LIPI: variants seen among roughly 807,000 people sequenced by gnomAD.
LIPI encodes lipase I, also known as lipase member I.
A neutral mutation model predicts 50.6 loss-of-function variants in LIPI; 59 were observed. The observed-to-expected ratio is 1.16, with a 90% CI of 0.94 to 1.45. LIPI has a LOEUF of 1.45. Among genes scored for constraint, LIPI ranks in the 40% most tolerant of loss-of-function variants. LIPI has a pLI of 0.00. For missense variants in LIPI, 586 were observed against 536.3 expected, an observed-to-expected ratio of 1.09 and a Z score of -0.92; for synonymous variants, 203 against 178.2, an observed-to-expected ratio of 1.14 and a Z score of -1.11.
At chr21:14,113,389 C>T (rs759961281) in intron 9 of LIPI, among the ~76,000 whole-genome samples, 15 of 151,970 alleles carry the variant, frequency 9.9e-5, no homozygotes, top group African/African-American at 1.7e-4. Context: ...GTGAGAACTA[C>T]GATGTTTGAG....
At chr21:14,206,230 C>G (rs1193266338) in intron 1 of LIPI, among the ~76,000 whole-genome samples, 1 of 152,100 alleles carries the variant, frequency 6.6e-6, no homozygotes, top group Admixed American at 6.6e-5. Context: ...GACTCAAGTA[C>G]CTCTAGCCTC....
intron 9 of LIPI, among the ~76,000 whole-genome samples, chr21:14,118,155 A>G (rs1188642889): frequency 1.3e-5 from 2 of 152,090 alleles, no homozygotes; most frequent in African/African-American, 4.8e-5. Context: ...TGGGCAAGGC[A>G]TAGTAAGATC....
intron 4 of LIPI, among the ~76,000 whole-genome samples, chr21:14,169,099 A>T (rs1324939680): frequency 6.6e-6 from 1 of 152,214 alleles, no homozygotes; most frequent in African/African-American, 2.4e-5. Flanking sequence ...ACCAACAAAG[A>T]TCAAAAGAGA....
At chr21:14,202,413 T>C (rs1394222642) in intron 1 of LIPI, among the ~76,000 whole-genome samples, 6 of 152,068 alleles carry the variant, frequency 3.9e-5, no homozygotes, top group South Asian at 2.1e-4. Context: ...GGAGGCATCA[T>C]GCTACCTGAC....
At position 14,189,123 on chromosome 21, in the gene LIPI, G is replaced by A. The variant is rs756548095; in HGVS notation, c.343C>T (p.Arg115Trp). Residue 115 changes from arginine to tryptophan, a missense_variant, in exon 2 of 10, where the codon CGG becomes TGG. Physicochemically the swap from Arg to Trp is moderately radical, Grantham distance 101. Coordinates refer to ENST00000681601, the MANE Select transcript of LIPI (RefSeq NM_001302998.2). ...TTATAAATAAAAGTTGTAGCACCCC[G>A]GCTCCAGTCTACTACAATTACATTC... ...DMNVIVVDWSRGATTFIYNRA... is the reference protein window; with the variant it reads ...DMNVIVVDWSWGATTFIYNRA... The A allele has an allele frequency of 2.2e-5, 35 of 1,613,296 alleles. No individual in the cohort carries two copies. The highest frequency in any genetic ancestry group is 1.6e-4 in the Middle Eastern group (1 of 6,082).
intron 8 of LIPI, among the ~76,000 whole-genome samples, chr21:14,146,424 A>G (rs962695528): frequency 6.6e-6 from 1 of 152,216 alleles, no homozygotes; most frequent in Non-Finnish European, 1.5e-5. Flanking sequence ...TCAATCTATC[A>G]GAAATTTATA....
intron 9 of LIPI, among the ~76,000 whole-genome samples, chr21:14,131,584 T>TA (rs1568839779): frequency 6.6e-6 from 1 of 152,060 alleles, no homozygotes; most frequent in South Asian, 2.1e-4. Flanking sequence ...AGAAGCACTT[T>TA]AAAAAACTGA....
chr21:14,130,007 T>C (rs928711921), intron 9 of LIPI, among the ~76,000 whole-genome samples: 3 of 152,030 alleles, frequency 2.0e-5, no homozygotes, highest in African/African-American at 7.2e-5. Flanking sequence ...CAAGGAAAAA[T>C]TGGAGAGGGG....
Position 14,152,620 on chromosome 21 carries a change from A to C in LIPI, c.1071T>G (p.Phe357Leu), listed in dbSNP as rs1285163875. The C allele has an allele frequency of 6.3e-7, 1 of 1,591,712 alleles. No individual in the cohort carries two copies. Among genetic ancestry groups the C allele is most frequent in the Admixed American group, 1.7e-5 (1 of 59,842 alleles). ...DKTMMDGSFS[F>L]KLLNQLGMIE... ...TCATTCCAAGCTGATTTAATAATTT[A>C]AATGAAAACGAGCCATCCATCATAG... Residue 357 changes from phenylalanine (F) to leucine (L), a missense_variant, in exon 8 of 10, where the codon TTT becomes TTG. Physicochemically the swap from Phe to Leu is conservative, Grantham distance 22. Coordinates refer to ENST00000681601, the MANE Select transcript of LIPI (RefSeq NM_001302998.2).
At chr21:14,199,370 G>A (rs2019971114) in intron 1 of LIPI, among the ~76,000 whole-genome samples, 1 of 151,672 alleles carries the variant, frequency 6.6e-6, no homozygotes, top group Admixed American at 6.6e-5. Flanking sequence ...AAGAAGAAAA[G>A]GAGGAGAGTC....
rs2019580462 is a variant in LIPI at position 14,189,381 on chromosome 21, C to T, written c.85G>A (p.Val29Ile). The change falls in exon 2 of 10, where the codon GTA (valine) becomes ATA (isoleucine). Residue 29 changes from valine (V) to isoleucine (I), a missense_variant. Transcript: ENST00000681601. ...AATAAATCTCTGAAGGAATCCTTTACACTTAGCTGAGAGAATTCAAGGCAT... is the reference window on the plus strand; with the variant it reads ...AATAAATCTCTGAAGGAATCCTTTATACTTAGCTGAGAGAATTCAAGGCAT... Reference protein sequence around the residue: ...RPCLEFSQLSVKDSFRDLFIP... With the variant: ...RPCLEFSQLSIKDSFRDLFIP... 1.9e-6 allele frequency: 3 copies of T among 1,612,624 alleles called. No individual in the cohort carries two copies. The highest frequency in any genetic ancestry group is 2.5e-6 in the Non-Finnish European group (3 of 1,178,968).
chr21:14,201,262 G>T (rs1009787711), intron 1 of LIPI, among the ~76,000 whole-genome samples: 2 of 151,980 alleles, frequency 1.3e-5, no homozygotes, highest in African/African-American at 4.8e-5. Flanking sequence ...TTAACAAGTG[G>T]GATCTAATTA....
intron 1 of LIPI, among the ~76,000 whole-genome samples, chr21:14,206,386 G>A (rs1435206746): frequency 1.3e-5 from 2 of 151,972 alleles, no homozygotes; most frequent in Admixed American, 6.6e-5. Context: ...TTTCATGCTG[G>A]GCAAGCTGCT....
chr21:14,134,892 G>T lies in LIPI; in HGVS notation c.1295+9731C>A, dbSNP rs192701109. On this transcript the variant is annotated intron_variant, in intron 9 of 9. Transcript: ENST00000681601. ...TTCTGGCCATTGGCAAAGAATATAT[G>T]GTCAAATCCTCAAAAGCAAATGCAA... 2.3e-4 allele frequency among the ~76,000 whole-genome samples: 35 copies of T among 152,042 alleles called. No individual in the cohort carries two copies. The East Asian group carries it at 6.8e-3, about 29-fold the overall frequency.
chr21:14,203,267 T>C (rs1225740269), intron 1 of LIPI, among the ~76,000 whole-genome samples: 1 of 152,040 alleles, frequency 6.6e-6, no homozygotes, highest in African/African-American at 2.4e-5. Context: ...ATTGTGGAAG[T>C]CAGTGTGGCG....
rs988425506 is a variant in LIPI, at chr21:14,161,616, A to T, written c.1006+1803T>A. ...TATAATATATTAATATATAATATAC[A>T]TATATAATATATTAATATATAATAT... On this transcript the variant is annotated intron_variant, in intron 7 of 9. Coordinates refer to ENST00000681601, the MANE Select transcript of LIPI (RefSeq NM_001302998.2). Among the ~76,000 whole-genome samples the T allele has an allele frequency of 1.4e-4, 16 of 116,476 alleles. No homozygotes were observed. In the East Asian group the frequency reaches 1.4e-3, roughly 10 times the overall value. 76.4% of individuals were successfully genotyped at this position (116,476 alleles called of 152,430 possible).
At chr21:14,133,941 C>T (rs2017393237) in intron 9 of LIPI, among the ~76,000 whole-genome samples, 1 of 152,144 alleles carries the variant, frequency 6.6e-6, no homozygotes. Context: ...CATCACTTGG[C>T]CAAGCACAGT....
At chr21:14,115,114 C>T (rs2016574466) in intron 9 of LIPI, among the ~76,000 whole-genome samples, 1 of 152,102 alleles carries the variant, frequency 6.6e-6, no homozygotes, top group South Asian at 2.1e-4. Context: ...CCCCGCTCCC[C>T]ACCCCCCATA....
Position 14,161,622 on chromosome 21 carries a change from A to AATATATTAATATATAATATACATATTATT in LIPI, c.1006+1796_1006+1797insAATAATATGTATATTATATATTAATATAT, listed in dbSNP as rs1568858279. ...ATATTAATATATAATATACATATAT[A>AATATATTAATATATAATATACATATTATT]ATATATTAATATATAATATATACAT... On this transcript the variant is annotated intron_variant, in intron 7 of 9. Coordinates refer to ENST00000681601, the MANE Select transcript of LIPI (RefSeq NM_001302998.2). 2.1e-3 allele frequency among the ~76,000 whole-genome samples: 204 copies of AATATATTAATATATAATATACATATTATT among 95,542 alleles called. 6 individuals carry two copies. The highest frequency in any genetic ancestry group is 9.7e-3 in the African/African-American group (198 of 20,332). The allele number at this position is 95,542 out of a possible 152,430, so 62.7% of individuals were successfully genotyped here.
Sources: gnomAD v4.1 joint callset for allele counts (sites outside exome capture counted in the v4.1 genomes callset) on GRCh38, gnomAD v4.1.1 for gene constraint, MANE v1.5 for transcripts, NCBI Gene and HGNC (gene_info 2026-07-23, HGNC 2026-07-21) for gene names.